CADPS2: variants seen among roughly 807,000 people sequenced by gnomAD.
The protein encoded by CADPS2 is calcium-dependent secretion activator 2.
In CADPS2, 93 loss-of-function variants were observed where a neutral mutation model predicts 172.5. The ratio of observed to expected loss-of-function variants is 0.54; its 90% CI spans 0.46 to 0.64. The LOEUF (loss-of-function observed/expected upper bound fraction) is 0.64. CADPS2 is among the 30% of genes least tolerant of loss of function. The probability of loss-of-function intolerance (pLI) is 0.00; values close to 1 mark genes in which losing one functional copy is unlikely to be tolerated. For missense variants in CADPS2, 1,420 were observed against 1,565.9 expected (o/e 0.91, Z 1.57); for synonymous variants, 546 against 555.2 (o/e 0.98, Z 0.23).
intron 9 of CADPS2, among the ~76,000 whole-genome samples, chr7:122,512,625 G>C (rs2130821065): frequency 6.6e-6 from 1 of 152,140 alleles, no homozygotes; most frequent in Non-Finnish European, 1.5e-5. Context: ...ATGTGAACAG[G>C]TGATTTCTTG....
chr7:122,480,851 C>A lies in CADPS2; in HGVS notation c.1861+1G>T. The A allele has an allele frequency of 6.6e-7, 1 of 1,518,906 alleles. No homozygotes were observed. 94.1% of individuals were successfully genotyped at this position (1,518,906 alleles called of 1,614,324 possible). A position where few individuals can be genotyped will look rare whatever the true frequency, so the allele number is the denominator to read the frequency against. On this transcript the variant is annotated splice_donor_variant, in intron 12 of 29. Transcript: ENST00000449022. LOFTEE classifies it high-confidence loss of function. Reference sequence around the variant, plus strand: ...ATTTTAAAAATCATGAAAATACTTACCTTTACCAGCTACAGGTCAGCAAAG... The same window carrying A: ...ATTTTAAAAATCATGAAAATACTTAACTTTACCAGCTACAGGTCAGCAAAG...
intron 20 of CADPS2, among the ~76,000 whole-genome samples, chr7:122,406,018 T>C (rs1015224602): frequency 1.3e-5 from 2 of 152,204 alleles, no homozygotes; most frequent in Non-Finnish European, 2.9e-5. Context: ...CAGAGAGACG[T>C]GAATCTGTCT....
At chr7:122,528,109 TAGTGGTGGTGGTGGTGG>T (rs1414169761) in intron 8 of CADPS2, among the ~76,000 whole-genome samples, 7 of 115,136 alleles carry the variant, frequency 6.1e-5, no homozygotes, top group Non-Finnish European at 8.8e-5. Flanking sequence ...ATGAAGGCAT[TAGTGGTGGTGGTGGTGG>T]TGGTGGTGGT....
chr7:122,791,145 C>T (rs562611116), intron 1 of CADPS2, among the ~76,000 whole-genome samples: 1 of 152,224 alleles, frequency 6.6e-6, no homozygotes, highest in South Asian at 2.1e-4. Context: ...AGGAAAAGTA[C>T]AATAAAACTA....
intron 1 of CADPS2, among the ~76,000 whole-genome samples, chr7:122,885,657 T>C (rs1010877947): frequency 6.6e-5 from 10 of 152,100 alleles, no homozygotes; most frequent in African/African-American, 2.4e-4. Context: ...GCACCAGTGC[T>C]GTTGGAAATT....
At chr7:122,807,355 C>A (rs946935255) in intron 1 of CADPS2, among the ~76,000 whole-genome samples, 1 of 152,186 alleles carries the variant, frequency 6.6e-6, no homozygotes. Context: ...CCACCTGAAC[C>A]CATGAGAGGT....
chr7:122,769,098 A>C (rs927319475), intron 1 of CADPS2, among the ~76,000 whole-genome samples: 2 of 152,324 alleles, frequency 1.3e-5, no homozygotes, highest in East Asian at 3.9e-4. Flanking sequence ...GAATCAAGTA[A>C]GTGAGTAAGA....
chr7:122,477,052 AAGAGAGAGAG>A lies in CADPS2; in HGVS notation c.1862-2545_1862-2536del, dbSNP rs541881529. ...GGAGAGGAGAGGAGAGGAGAGAGAGAAGAGAGAGAGAGAGAGAGAGAGAGAGAGAGGGAGA... is the reference window on the plus strand; with the variant it reads ...GGAGAGGAGAGGAGAGGAGAGAGAGAAGAGAGAGAGAGAGAGAGAGGGAGA... On this transcript the variant is annotated intron_variant, in intron 12 of 29. Coordinates refer to ENST00000449022, the MANE Select transcript of CADPS2 (RefSeq NM_017954.11). Among the ~76,000 whole-genome samples the A allele has an allele frequency of 1.9e-3, 50 of 26,006 alleles. 2 individuals are homozygous for A. Among genetic ancestry groups the A allele is most frequent in the African/African-American group, 6.4e-3 (43 of 6,676 alleles). 17.1% of individuals were successfully genotyped at this position (26,006 alleles called of 152,430 possible). A position where few individuals can be genotyped will look rare whatever the true frequency, so the allele number is the denominator to read the frequency against.
intron 6 of CADPS2, among the ~76,000 whole-genome samples, chr7:122,605,260 A>G (rs1157685274): frequency 1.3e-5 from 2 of 152,098 alleles, no homozygotes; most frequent in African/African-American, 4.8e-5. Flanking sequence ...GCACACTACT[A>G]CAGACTTTAT....
chr7:122,321,759 C>T (rs1438675242), intron 29 of CADPS2, among the ~76,000 whole-genome samples: 1 of 152,202 alleles, frequency 6.6e-6, no homozygotes, highest in Non-Finnish European at 1.5e-5. Context: ...GCATTACAGG[C>T]GTGAGCCACA....
chr7:122,850,187 A>T, intron 1 of CADPS2: 1 of 1,104,278 alleles, frequency 9.1e-7, no homozygotes, highest in East Asian at 3.0e-5. Flanking sequence ...GCCCATGCTG[A>T]TAGAGTACCC....
At chr7:122,415,721 G>C (rs377445478) in intron 18 of CADPS2, among the ~76,000 whole-genome samples, 59 of 151,970 alleles carry the variant, frequency 3.9e-4, no homozygotes, top group African/African-American at 1.3e-3. Flanking sequence ...GCCCTCTTGT[G>C]GTCATTAACT....
intron 8 of CADPS2, among the ~76,000 whole-genome samples, chr7:122,540,386 T>G (rs1478227039): frequency 6.6e-6 from 1 of 152,084 alleles, no homozygotes. Flanking sequence ...CAATAAAAAA[T>G]TAAATGGTAT....
At chr7:122,670,863 C>T (rs1287806078) in intron 2 of CADPS2, among the ~76,000 whole-genome samples, 1 of 128,902 alleles carries the variant, frequency 7.8e-6, no homozygotes, top group East Asian at 2.1e-4. Context: ...CAGTGAAACC[C>T]TGTTTCAAAA....
At chr7:122,777,189 A>C (rs1326857382) in intron 1 of CADPS2, among the ~76,000 whole-genome samples, 1 of 152,124 alleles carries the variant, frequency 6.6e-6, no homozygotes, top group Non-Finnish European at 1.5e-5. Context: ...TAACAAGAAA[A>C]ATAACAATAT....
At chr7:122,606,195 C>T (rs1345063140) in intron 6 of CADPS2, among the ~76,000 whole-genome samples, 2 of 152,140 alleles carry the variant, frequency 1.3e-5, no homozygotes, top group African/African-American at 4.8e-5. Flanking sequence ...GGTTTTTCCA[C>T]TCTGGGACAA....
intron 3 of CADPS2, among the ~76,000 whole-genome samples, chr7:122,634,005 T>G (rs894934822): frequency 2.0e-5 from 3 of 152,322 alleles, no homozygotes; most frequent in Admixed American, 6.5e-5. Flanking sequence ...TTTGCTTATG[T>G]TGAGCCAACC....
intron 6 of CADPS2, among the ~76,000 whole-genome samples, chr7:122,589,125 T>C (rs2070299994): frequency 6.6e-6 from 1 of 151,958 alleles, no homozygotes; most frequent in African/African-American, 2.4e-5. Context: ...GCCCTGCACA[T>C]AATGGCCACA....
At chr7:122,711,092 T>G (rs575883192) in intron 2 of CADPS2, among the ~76,000 whole-genome samples, 99 of 152,234 alleles carry the variant, frequency 6.5e-4, no homozygotes, top group Non-Finnish European at 1.1e-3. Flanking sequence ...CTTCCCTCAG[T>G]TAAGAATTAC....
Sources: gnomAD v4.1 joint callset for allele counts (sites outside exome capture counted in the v4.1 genomes callset) on GRCh38, gnomAD v4.1.1 for gene constraint, MANE v1.5 for transcripts, NCBI Gene and HGNC (gene_info 2026-07-23, HGNC 2026-07-21) for gene names.